The following CPXM2 variants were observed in gnomAD, a reference collection of about 807,000 sequenced individuals.
The protein encoded by CPXM2 is inactive carboxypeptidase-like protein X2.
CPXM2 carries 66 observed loss-of-function variants against 86.1 expected under a neutral mutation model. The observed-to-expected ratio is 0.77, with a 90% CI of 0.63 to 0.94. The LOEUF (loss-of-function observed/expected upper bound fraction) is 0.94, where lower values mean the gene tolerates loss of function less well. Among genes scored for constraint, CPXM2 ranks in the 40% least tolerant of loss-of-function variants. CPXM2 has a pLI of 0.00. For synonymous variants in CPXM2, 388 were observed against 400.2 expected, an observed-to-expected ratio of 0.97 and a Z score of 0.36; for missense variants, 948 against 1,026.3, an observed-to-expected ratio of 0.92 and a Z score of 1.04.
At chr10:123,794,867 T>C (rs1242517193) in intron 6 of CPXM2, among the ~76,000 whole-genome samples, 1 of 151,924 alleles carries the variant, frequency 6.6e-6, no homozygotes, top group African/African-American at 2.4e-5. Context: ...CCTCCTGGGC[T>C]CAGGTGATTC....
intron 4 of CPXM2, among the ~76,000 whole-genome samples, chr10:123,822,950 T>C (rs1361642299): frequency 6.6e-6 from 1 of 152,136 alleles, no homozygotes; most frequent in Non-Finnish European, 1.5e-5. Flanking sequence ...GCATTGATGA[T>C]TGCACAACCT....
rs1305075975 is a variant in CPXM2, at chr10:123,891,451, T to C, written c.209A>G (p.Glu70Gly). 6.4e-7 allele frequency: 1 copy of C among 1,550,558 alleles called. No individual in the cohort carries two copies. Residue 70 changes from glutamate to glycine, a missense_variant, in exon 1 of 14, where the codon GAG becomes GGG. Physicochemically the swap from Glu to Gly is moderately conservative, Grantham distance 98. Transcript: ENST00000241305. This position sits in a 1 kb window ranked among gnomAD's most constrained non-coding sequence, Gnocchi z 5.6. ...PLPAGPGEEW[E>G]RRPQEPRPPK... ...CGGCCTGGGCTCCTGCGGGCGCCGC[T>C]CCCACTCCTCCCCGGGCCCCGCAGG...
chr10:123,850,512 TTGTC>T (rs756866918), intron 3 of CPXM2, among the ~76,000 whole-genome samples: 4 of 151,446 alleles, frequency 2.6e-5, no homozygotes, highest in Non-Finnish European at 1.5e-5. Context: ...AATCCTCCCT[TTGTC>T]TGGCGATCCA....
chr10:123,939,652 A>C (rs1189093377), intron 1 of CPXM2: 2 of 152,308 alleles, frequency 1.3e-5, no homozygotes, highest in African/African-American at 4.8e-5. Flanking sequence ...AAGTCAGTAG[A>C]GCACCAGCCC....
At chr10:123,886,997 C>A (rs1301561060) in intron 1 of CPXM2, 2 of 152,150 alleles carry the variant, frequency 1.3e-5, no homozygotes, top group Non-Finnish European at 2.9e-5. Context: ...AGAATGAAAA[C>A]TGAGGACCTG....
At chr10:123,833,452 G>T (rs1044869303) in intron 4 of CPXM2, among the ~76,000 whole-genome samples, 1 of 152,226 alleles carries the variant, frequency 6.6e-6, no homozygotes, top group African/African-American at 2.4e-5. Flanking sequence ...CCCTCTGGAG[G>T]CACTGGGGGT....
intron 7 of CPXM2, among the ~76,000 whole-genome samples, chr10:123,778,146 C>T (rs949620006): frequency 1.3e-5 from 2 of 152,198 alleles, no homozygotes; most frequent in East Asian, 1.9e-4. Context: ...TTATCTTCCT[C>T]GTACAAGGCA....
intron 4 of CPXM2, among the ~76,000 whole-genome samples, chr10:123,823,794 A>G (rs1847982781): frequency 6.6e-6 from 1 of 152,172 alleles, no homozygotes; most frequent in African/African-American, 2.4e-5. Flanking sequence ...GAGTACTAAA[A>G]GCATTTTATT....
At chr10:123,941,128 G>C (rs980326354), upstream of CPXM2, among the ~76,000 whole-genome samples, 2 of 152,100 alleles carry the variant, frequency 1.3e-5, no homozygotes, top group Admixed American at 6.6e-5. Context: ...CCGAGATCGC[G>C]CCACTGCACT....
At chr10:123,811,851 G>A (rs1847702007) in intron 4 of CPXM2, among the ~76,000 whole-genome samples, 1 of 152,214 alleles carries the variant, frequency 6.6e-6, no homozygotes, top group Non-Finnish European at 1.5e-5. Context: ...CCTGTTAGTG[G>A]TTACGGAAAT....
At chr10:123,845,282 A>G (rs887227744) in intron 3 of CPXM2, among the ~76,000 whole-genome samples, 2 of 151,884 alleles carry the variant, frequency 1.3e-5, no homozygotes, top group Non-Finnish European at 1.5e-5. Context: ...CCTTCCCCCA[A>G]CCAGCTATAG....
chr10:123,837,091 C>T (rs1265588024), intron 4 of CPXM2, among the ~76,000 whole-genome samples: 1 of 152,260 alleles, frequency 6.6e-6, no homozygotes, highest in South Asian at 2.1e-4. Context: ...TTCCTTCTGA[C>T]GTTGGCATCT....
At chr10:123,904,915 C>CCTGGAGGGCCCGAGCTCTGCATTACAT in intron 2 of CPXM2, among the ~76,000 whole-genome samples, 1 of 103,054 alleles carries the variant, frequency 9.7e-6, no homozygotes, top group African/African-American at 3.8e-5. Context: ...CTGCATCACA[C>CCTGGAGGGCCCGAGCTCTGCATTACAT]CTGCATCCTA....
intron 4 of CPXM2, among the ~76,000 whole-genome samples, chr10:123,813,250 T>G (rs1847734025): frequency 6.6e-6 from 1 of 152,232 alleles, no homozygotes; most frequent in South Asian, 2.1e-4. Context: ...CATCTGGCAC[T>G]TCAGTTTGCA....
chr10:123,788,279 C>CAAA (rs55818352), intron 6 of CPXM2, among the ~76,000 whole-genome samples: 1 of 124,248 alleles, frequency 8.0e-6, no homozygotes, highest in Admixed American at 8.3e-5. Flanking sequence ...GACCCCATCT[C>CAAA]AAAAAAAAAA....
chr10:123,883,535 C>T (rs1301406174), intron 1 of CPXM2, among the ~76,000 whole-genome samples: 2 of 152,238 alleles, frequency 1.3e-5, no homozygotes, highest in Non-Finnish European at 2.9e-5. Flanking sequence ...GGCCTGCAGC[C>T]TCACTGAGCA....
intron 2 of CPXM2, among the ~76,000 whole-genome samples, chr10:123,911,312 T>A (rs2134270528): frequency 6.6e-6 from 1 of 152,094 alleles, no homozygotes; most frequent in South Asian, 2.1e-4. Flanking sequence ...ACTCCTGCCC[T>A]CAAGAACTGA....
chr10:123,798,255 A>AG, intron 5 of CPXM2, 129 bp from the exon 6 acceptor site: 1 of 288,222 alleles, frequency 3.5e-6, no homozygotes, highest in Non-Finnish European at 4.6e-6. Context: ...ATTGAAAAGA[A>AG]AAAAAAAAAA....
At chr10:123,775,750 T>C (rs1401784122) in intron 7 of CPXM2, among the ~76,000 whole-genome samples, 1 of 152,182 alleles carries the variant, frequency 6.6e-6, no homozygotes, top group Non-Finnish European at 1.5e-5. Context: ...CTTTGAAGAA[T>C]CTTCTTCTCA....
Sources: allele counts gnomAD v4.1 joint callset (sites outside exome capture counted in the v4.1 genomes callset), GRCh38; gene constraint gnomAD v4.1.1; non-coding constraint Gnocchi (gnomAD v3.1); transcripts MANE v1.5; gene names NCBI Gene and HGNC (gene_info 2026-07-23, HGNC 2026-07-21).